Variants in CORO2A observed in about 807,000 individuals in gnomAD.
CORO2A encodes coronin 2A.
CORO2A carries 47 observed loss-of-function variants against 62.4 expected under a neutral mutation model. That is an observed-to-expected ratio of 0.75 (90% confidence interval 0.60 to 0.96). The LOEUF is 0.96. Ranked by LOEUF, CORO2A falls within the 40% of genes least tolerant of loss-of-function variation. The pLI is 0.00. For synonymous variants in CORO2A, 273 were observed against 268.9 expected, an observed-to-expected ratio of 1.02 and a Z score of -0.15; for missense variants, 610 against 684.1, an observed-to-expected ratio of 0.89 and a Z score of 1.21.
At chr9:98,169,255 C>T (rs536813211) in intron 1 of CORO2A, among the ~76,000 whole-genome samples, 1 of 152,310 alleles carries the variant, frequency 6.6e-6, no homozygotes, top group East Asian at 1.9e-4. Context: ...CTCTGCAGGC[C>T]CACAGGAAGT....
chr9:98,181,925 CCTCT>C (rs1168721503), intron 1 of CORO2A, among the ~76,000 whole-genome samples: 3 of 152,176 alleles, frequency 2.0e-5, no homozygotes, highest in African/African-American at 7.2e-5. Context: ...AGTCCTATGG[CCTCT>C]CTGAGACTCA....
intron 1 of CORO2A, among the ~76,000 whole-genome samples, chr9:98,183,144 G>A (rs1358868607): frequency 1.3e-5 from 2 of 151,310 alleles, no homozygotes; most frequent in Non-Finnish European, 2.9e-5. Flanking sequence ...ATCTGTCTCA[G>A]CTGTCCTAGT....
chr9:98,162,582 T>C (rs769710429), intron 1 of CORO2A, among the ~76,000 whole-genome samples: 6 of 152,204 alleles, frequency 3.9e-5, no homozygotes, highest in Non-Finnish European at 8.8e-5. Flanking sequence ...TCTCCCTTTG[T>C]ATGTGGCATG....
chr9:98,140,808 T>G (rs1007916623), intron 2 of CORO2A, among the ~76,000 whole-genome samples: 2 of 152,178 alleles, frequency 1.3e-5, no homozygotes, highest in Non-Finnish European at 1.5e-5. Context: ...CTGGAAATAC[T>G]CTGGCTAATC....
Position 98,121,107 on chromosome 9 carries a change from A to G in CORO2A, c.*3667T>C, listed in dbSNP as rs1478460460. On this transcript the variant is annotated 3_prime_UTR_variant, in exon 12 of 12. Coordinates refer to ENST00000375077, the MANE Select transcript of CORO2A (RefSeq NM_052820.4). ...TACAAGGAATTTCAGAAACAACATT[A>G]AAACAATCATTCAAACTGTTTCAGG... The G allele has an allele frequency of 6.6e-6, 1 of 152,372 alleles. No homozygotes were observed. The highest frequency in any genetic ancestry group is 2.4e-5 in the African/African-American group (1 of 41,584). 9.4% of individuals were successfully genotyped at this position (152,372 alleles called of 1,614,324 possible). A position where few individuals can be genotyped will look rare whatever the true frequency, so the allele number is the denominator to read the frequency against.
chr9:98,188,013 G>A (rs562842911), intron 1 of CORO2A, among the ~76,000 whole-genome samples: 2 of 152,318 alleles, frequency 1.3e-5, no homozygotes, highest in East Asian at 3.9e-4. Flanking sequence ...ATTCCATTAT[G>A]AGCATGGTGG....
chr9:98,133,230 G>A lies in CORO2A; in HGVS notation c.469-13C>T. On this transcript the variant is annotated splice_polypyrimidine_tract_variant and intron_variant, in intron 4 of 11. Coordinates refer to ENST00000375077, the MANE Select transcript of CORO2A (RefSeq NM_052820.4). Reference sequence around the variant, plus strand: ...TCCAGATCATCACCTGCATGGCAGAGAGCCAGCTCTGAGCACAGGGGCCAC... The same window carrying A: ...TCCAGATCATCACCTGCATGGCAGAAAGCCAGCTCTGAGCACAGGGGCCAC... The A allele has an allele frequency of 1.9e-6, 3 of 1,613,878 alleles. No homozygotes were observed. Among genetic ancestry groups the A allele is most frequent in the Non-Finnish European group, 2.5e-6 (3 of 1,179,804 alleles).
intron 1 of CORO2A, among the ~76,000 whole-genome samples, chr9:98,161,023 T>C (rs368548928): frequency 5.3e-4 from 80 of 152,348 alleles, no homozygotes; most frequent in African/African-American, 1.9e-3. Context: ...CAGAGCACTT[T>C]CTTCTACTGA....
chr9:98,163,711 GGTGTGT>G (rs72256502), intron 1 of CORO2A, among the ~76,000 whole-genome samples: 1 of 138,796 alleles, frequency 7.2e-6, no homozygotes, highest in Non-Finnish European at 1.5e-5. Flanking sequence ...ATACATGCGG[GGTGTGT>G]GTGTGTGTGT....
At chr9:98,161,003 C>T (rs1827877842) in intron 1 of CORO2A, among the ~76,000 whole-genome samples, 1 of 152,212 alleles carries the variant, frequency 6.6e-6, no homozygotes, top group Admixed American at 6.5e-5. Context: ...CCCTCAGGAA[C>T]CATGTGTAGC....
chr9:98,175,466 G>C (rs1200616719), intron 1 of CORO2A, among the ~76,000 whole-genome samples: 3 of 152,202 alleles, frequency 2.0e-5, no homozygotes, highest in East Asian at 3.8e-4. Context: ...AGGGCACATA[G>C]ATATTCCAAG....
Position 98,184,369 on chromosome 9 carries a change from G to T in CORO2A, c.-1+8190C>A, listed in dbSNP as rs550676151. On this transcript the variant is annotated intron_variant, in intron 1 of 11. Coordinates refer to ENST00000375077, the MANE Select transcript of CORO2A (RefSeq NM_052820.4). ...CATTTTAAATGTAGAAAAGACCAAAGAAAACAAAATTCTACCACCTAGTGA... is the reference window on the plus strand; with the variant it reads ...CATTTTAAATGTAGAAAAGACCAAATAAAACAAAATTCTACCACCTAGTGA... Among the ~76,000 whole-genome samples the T allele has an allele frequency of 5.3e-5, 8 of 152,154 alleles. No individual in the cohort carries two copies. In the East Asian group the frequency reaches 1.5e-3, roughly 29 times the overall value.
intron 2 of CORO2A, among the ~76,000 whole-genome samples, chr9:98,141,815 G>GA (rs1341947213): frequency 6.6e-6 from 1 of 152,168 alleles, no homozygotes; most frequent in Non-Finnish European, 1.5e-5. Flanking sequence ...TTCCTTGCAG[G>GA]ATTGTTGAGA....
intron 2 of CORO2A, among the ~76,000 whole-genome samples, chr9:98,155,104 C>T (rs1018228399): frequency 5.9e-5 from 9 of 152,146 alleles, no homozygotes; most frequent in Admixed American, 5.9e-4. Flanking sequence ...ACATTTTTGA[C>T]AATCTGATGT....
rs1356643992 is a variant in CORO2A, at chr9:98,132,158, T to C, written c.765+27A>G. The C allele has an allele frequency of 8.7e-6, 13 of 1,495,620 alleles. No homozygotes were observed. In the African/African-American group the frequency reaches 1.2e-4, roughly 14 times the overall value. The allele number at this position is 1,495,620 out of a possible 1,614,324, so 92.6% of individuals were successfully genotyped here. A position where few individuals can be genotyped will look rare whatever the true frequency, so the allele number is the denominator to read the frequency against. On this transcript the variant is annotated intron_variant, in intron 6 of 11. Coordinates refer to ENST00000375077, the MANE Select transcript of CORO2A (RefSeq NM_052820.4). Reference sequence around the variant, plus strand: ...ACACTGGCTCTCAGCTGAGGGGTGATGGTGAGGGGTGGGGTGCAGCCCTCA... The same window carrying C: ...ACACTGGCTCTCAGCTGAGGGGTGACGGTGAGGGGTGGGGTGCAGCCCTCA...
At chr9:98,187,139 C>T (rs111936255) in intron 1 of CORO2A, among the ~76,000 whole-genome samples, 10 of 151,928 alleles carry the variant, frequency 6.6e-5, no homozygotes, top group African/African-American at 1.9e-4. Context: ...CAAAATTAGC[C>T]GGGCGTGGTG....
chr9:98,167,499 TA>T (rs1317104607), intron 1 of CORO2A, among the ~76,000 whole-genome samples: 1 of 152,192 alleles, frequency 6.6e-6, no homozygotes, highest in Non-Finnish European at 1.5e-5. Flanking sequence ...AATATACATA[TA>T]TTTTTTAAAA....
At chr9:98,165,088 C>G (rs1827941307) in intron 1 of CORO2A, among the ~76,000 whole-genome samples, 1 of 152,040 alleles carries the variant, frequency 6.6e-6, no homozygotes, top group African/African-American at 2.4e-5. Context: ...CTGGCTTCAG[C>G]CTCCTGCATA....
chr9:98,155,899 A>G (rs1327943191), intron 2 of CORO2A, among the ~76,000 whole-genome samples: 1 of 152,112 alleles, frequency 6.6e-6, no homozygotes, highest in Admixed American at 6.5e-5. Context: ...CAGTCTCTGC[A>G]GGGGCTTGTC....
Sources: gnomAD v4.1 joint callset for allele counts (sites outside exome capture counted in the v4.1 genomes callset) on GRCh38, gnomAD v4.1.1 for gene constraint, MANE v1.5 for transcripts, NCBI Gene and HGNC (gene_info 2026-07-23, HGNC 2026-07-21) for gene names.